TNRC18: variants seen among roughly 807,000 people sequenced by gnomAD.
TNRC18 encodes trinucleotide repeat containing 18.
In TNRC18, 69 loss-of-function variants were observed where a neutral mutation model predicts 226.7. That is an observed-to-expected ratio of 0.30 (90% confidence interval 0.25 to 0.37). TNRC18 has a LOEUF of 0.37. Among genes scored for constraint, TNRC18 ranks in the 10% least tolerant of loss-of-function variants. The pLI is 1.00. For synonymous variants in TNRC18, 2,449 were observed against 1,927.6 expected, an observed-to-expected ratio of 1.27 and a Z score of -7.09; for missense variants, 4,754 against 4,256.6, an observed-to-expected ratio of 1.12 and a Z score of -3.25.
chr7:5,380,294 A>G (rs1779310121), intron 5 of TNRC18, among the ~76,000 whole-genome samples: 2 of 152,152 alleles, frequency 1.3e-5, no homozygotes, highest in African/African-American at 4.8e-5. Flanking sequence ...AAAACATAAA[A>G]AATTAGCCAG....
In TNRC18 at chr7:5,345,776, C is replaced by CTCCTCCTCCTCG; in HGVS notation, c.5493_5504dup (p.Asp1831_Glu1834dup). ...CGCTGGCCTCGTCCTCCTCCTCGAG[C>CTCCTCCTCCTCG]TCCTCCTCCTCGTCCTCCTCCTCCG... On this transcript the variant is annotated inframe_insertion, in exon 18 of 30. Transcript: ENST00000430969. 4 of 1,546,080 alleles carry CTCCTCCTCCTCG rather than the reference C, an allele frequency of 2.6e-6. No individual in the cohort carries two copies. The highest frequency in any genetic ancestry group is 2.6e-6 in the Non-Finnish European group (3 of 1,146,774).
At chr7:5,349,042 C>A (rs1306706399) in intron 17 of TNRC18, among the ~76,000 whole-genome samples, 7 of 152,178 alleles carry the variant, frequency 4.6e-5, no homozygotes, top group Admixed American at 3.9e-4. Context: ...GCGCAGACTC[C>A]AGAAATCTTT....
intron 26 of TNRC18, among the ~76,000 whole-genome samples, chr7:5,314,563 CTTTTTTTTTTTTT>C (rs67183154): frequency 4.6e-4 from 37 of 79,688 alleles, no homozygotes; most frequent in African/African-American, 1.4e-3. Flanking sequence ...GAGTTCTCTT[CTTTTTTTTTTTTT>C]TTTTTTTTTT....
chr7:5,423,745 G>A lies in TNRC18; in HGVS notation c.-548C>T, dbSNP rs181252775. Among the ~76,000 whole-genome samples the A allele has an allele frequency of 5.5e-3, 827 of 151,742 alleles. 3 individuals carry two copies. The highest frequency in any genetic ancestry group is 9.6e-3 in the Non-Finnish European group (651 of 67,896). ...TTTTTAATAAAATCCAGGTAGCGCC[G>A]GTTTAAAGAATCCCAAATCTCCATA... is the stretch of plus-strand genomic sequence containing the variant. On this transcript the variant is annotated 5_prime_UTR_variant, in exon 1 of 30. Transcript: ENST00000430969.
chr7:5,368,327 T>A (rs369977149), intron 11 of TNRC18, among the ~76,000 whole-genome samples: 1 of 131,130 alleles, frequency 7.6e-6, no homozygotes, highest in South Asian at 2.5e-4. Context: ...AAAAAAAAAA[T>A]TAAAAAACCC....
At position 5,321,195 on chromosome 7, in the gene TNRC18, A is replaced by C; in HGVS notation, c.6443-5T>G. 1 of 1,540,402 alleles carries C rather than the reference A, an allele frequency of 6.5e-7. No individual in the cohort carries two copies. Among genetic ancestry groups the C allele is most frequent in the Non-Finnish European group, 8.8e-7 (1 of 1,140,298 alleles). Reference sequence around the variant, plus strand: ...CGATGATGCAGGAGCGAGGGGCTGCAGGGGTTGGATCGTGAGGCGAGGCTG... The same window carrying C: ...CGATGATGCAGGAGCGAGGGGCTGCCGGGGTTGGATCGTGAGGCGAGGCTG... On this transcript the variant is annotated splice_polypyrimidine_tract_variant and splice_region_variant and intron_variant, in intron 21 of 29. Coordinates refer to ENST00000430969, the MANE Select transcript of TNRC18 (RefSeq NM_001080495.3).
intron 14 of TNRC18, among the ~76,000 whole-genome samples, chr7:5,359,776 G>A (rs574970597): frequency 2.0e-5 from 3 of 152,296 alleles, no homozygotes; most frequent in East Asian, 3.9e-4. Flanking sequence ...AGAGTTTAAG[G>A]TGAAAGAAGG....
In TNRC18 at chr7:5,368,954, T is replaced by G. The variant is rs112789968; in HGVS notation, c.4219+1421A>C. ...ATCCCATTCTCTTTGAGAACTACCC[T>G]CCCCCTTCCCTACACCCCAGAGGCA... is the stretch of plus-strand genomic sequence containing the variant. On this transcript the variant is annotated intron_variant, in intron 11 of 29. Transcript: ENST00000430969. Among the ~76,000 whole-genome samples, 1,468 of 151,300 alleles carry G rather than the reference T, an allele frequency of 9.7e-3. 25 individuals are homozygous for G. Among genetic ancestry groups the G allele is most frequent in the African/African-American group, 0.031 (1,262 of 41,176 alleles).
chr7:5,396,663 G>A (rs1780711210), intron 2 of TNRC18, among the ~76,000 whole-genome samples: 1 of 152,184 alleles, frequency 6.6e-6, no homozygotes, highest in African/African-American at 2.4e-5. Context: ...CTCCAGCTGG[G>A]TGCTACCACT....
At chr7:5,323,846 G>A (rs1364130789) in intron 21 of TNRC18, among the ~76,000 whole-genome samples, 2 of 152,118 alleles carry the variant, frequency 1.3e-5, no homozygotes, top group African/African-American at 2.4e-5. Context: ...GGGATTACAG[G>A]CATGGGCCAC....
At chr7:5,383,957 ATTTTTT>A (rs765430615) in intron 5 of TNRC18, among the ~76,000 whole-genome samples, 8 of 78,794 alleles carry the variant, frequency 1.0e-4, no homozygotes, top group Admixed American at 2.0e-4. Flanking sequence ...TACCCGGGTG[ATTTTTT>A]TTTTTTTTTT....
chr7:5,319,801 C>T (rs567354913), intron 24 of TNRC18, among the ~76,000 whole-genome samples: 300 of 152,310 alleles, frequency 2.0e-3, no homozygotes, highest in Non-Finnish European at 3.0e-3. Flanking sequence ...TGAGCCACCA[C>T]ATCCAGCCTC....
chr7:5,385,513 A>AAAAAT (rs1779706293), intron 5 of TNRC18, among the ~76,000 whole-genome samples: 3 of 147,622 alleles, frequency 2.0e-5, no homozygotes, highest in Admixed American at 6.7e-5. Flanking sequence ...AAAAAAAAAA[A>AAAAAT]AAAAGAAAAA....
rs911658672 is a variant in TNRC18, at chr7:5,327,488, C to G, written c.6148-2240G>C. The stretch of plus-strand genomic sequence containing the variant: ...CTTCTGGAATCAGAGGCATCTTAGG[C>G]GCTGAAAGAATGTTAGTGGCGCTGT... On this transcript the variant is annotated intron_variant, in intron 19 of 29. Transcript: ENST00000430969. 4.6e-5 allele frequency among the ~76,000 whole-genome samples: 7 copies of G among 151,902 alleles called. No individual in the cohort carries two copies. In the South Asian group the frequency reaches 1.0e-3, roughly 23 times the overall value.
At chr7:5,344,252 GT>G (rs1485501701) in intron 18 of TNRC18, among the ~76,000 whole-genome samples, 3 of 152,218 alleles carry the variant, frequency 2.0e-5, no homozygotes, top group African/African-American at 7.2e-5. Flanking sequence ...TCTGATGGTG[GT>G]GGGTCAGACA....
chr7:5,367,843 G>A (rs1008139856), intron 11 of TNRC18, among the ~76,000 whole-genome samples: 17 of 152,078 alleles, frequency 1.1e-4, no homozygotes, highest in Admixed American at 7.2e-4. Context: ...CAGTGGGGAG[G>A]GGGGCGTTGC....
rs370410040 is a variant in TNRC18, at chr7:5,323,713, G to A, written c.6442+501C>T. ...CTCCCGGGTAGCTGGGATTACAGGC[G>A]CCCGCCACCACACCCAGCTAATTTT... On this transcript the variant is annotated intron_variant, in intron 21 of 29. Transcript: ENST00000430969. 8.4e-4 allele frequency among the ~76,000 whole-genome samples: 128 copies of A among 151,876 alleles called. 2 individuals are homozygous for A. In the East Asian group the frequency reaches 0.021, roughly 24 times the overall value.
chr7:5,314,415 G>A (rs533840448), intron 26 of TNRC18, among the ~76,000 whole-genome samples: 2 of 152,110 alleles, frequency 1.3e-5, no homozygotes, highest in African/African-American at 2.4e-5. Flanking sequence ...CAGCCTGCAC[G>A]AAGTATTTTC....
chr7:5,326,431 GT>G (rs1788917396), intron 19 of TNRC18, among the ~76,000 whole-genome samples: 2 of 151,910 alleles, frequency 1.3e-5, no homozygotes, highest in South Asian at 4.1e-4. Context: ...GGCTGCCTCC[GT>G]TTTTTCACTC....
Sources: gnomAD v4.1 joint callset for allele counts (sites outside exome capture counted in the v4.1 genomes callset) on GRCh38, gnomAD v4.1.1 for gene constraint, MANE v1.5 for transcripts, NCBI Gene and HGNC (gene_info 2026-07-23, HGNC 2026-07-21) for gene names.